VPS13B: variants seen among roughly 807,000 people sequenced by gnomAD.
VPS13B encodes the protein vacuolar protein sorting 13 homolog B.
A neutral mutation model predicts 426.4 loss-of-function variants in VPS13B; 285 were observed. That is an observed-to-expected ratio of 0.67 (90% CI 0.61 to 0.74). The LOEUF (loss-of-function observed/expected upper bound fraction) is 0.74, where lower values mean the gene tolerates loss of function less well. VPS13B is among the 30% of genes least tolerant of loss of function. The pLI, the probability that VPS13B is intolerant of heterozygous loss-of-function variation, is 0.00. For missense variants in VPS13B, 4,537 were observed against 4,782.6 expected (o/e 0.95, Z 1.51); for synonymous variants, 1,676 against 1,676.4 (o/e 1.00, Z 0.01).
intron 33 of VPS13B, among the ~76,000 whole-genome samples, chr8:99,620,327 A>C (rs1208752746): frequency 1.3e-5 from 2 of 152,238 alleles, no homozygotes; most frequent in Non-Finnish European, 2.9e-5. Flanking sequence ...TGTCCCAAGC[A>C]TTCCATTTCT....
intron 25 of VPS13B, 76 bp downstream of exon 25, chr8:99,481,878 G>T: frequency 6.6e-7 from 1 of 1,513,816 alleles, no homozygotes; most frequent in South Asian, 1.2e-5. Context: ...GGTTTAAAAT[G>T]AAGATAACCT....
intron 4 of VPS13B, among the ~76,000 whole-genome samples, chr8:99,102,542 C>CTG (rs1846810125): frequency 1.3e-5 from 2 of 152,104 alleles, no homozygotes; most frequent in African/African-American, 2.4e-5. Flanking sequence ...TTAAAGAAGA[C>CTG]CATCTTCTAA....
intron 17 of VPS13B, chr8:99,234,420 A>C (rs752193537): frequency 1.5e-6 from 1 of 672,726 alleles, no homozygotes; most frequent in Non-Finnish European, 2.8e-6. Flanking sequence ...GAGACCGAGT[A>C]ATCAACTTCC....
At position 99,556,649 on chromosome 8, in the gene VPS13B, A is replaced by G. The variant is rs1221209985; in HGVS notation, c.4945A>G (p.Ser1649Gly). 5.6e-6 allele frequency: 9 copies of G among 1,612,704 alleles called. No individual in the cohort carries two copies. Among genetic ancestry groups the G allele is most frequent in the Non-Finnish European group, 5.9e-6 (7 of 1,179,308 alleles). ...TCCAGCCCTTGAGTGGAATATGGCC[A>G]GCAGGTAGGAAATGATTGAGAAACT... ...QNPALEWNMA[S>G]SIRRHQERRA... Residue 1649 changes from serine to glycine, a missense_variant, in exon 31 of 62, where the codon AGC becomes GGC. Ser to Gly is a moderately conservative substitution (Grantham distance 56). Transcript: ENST00000357162.
At chr8:99,367,486 G>C (rs771298740) in intron 19 of VPS13B, among the ~76,000 whole-genome samples, 1 of 152,136 alleles carries the variant, frequency 6.6e-6, no homozygotes, top group African/African-American at 2.4e-5. Context: ...CTTTCGGTCA[G>C]ATCTGGTTGG....
At chr8:99,786,855 G>A (rs1426126882) in intron 43 of VPS13B, among the ~76,000 whole-genome samples, 9 of 152,060 alleles carry the variant, frequency 5.9e-5, no homozygotes, top group Non-Finnish European at 1.2e-4. Flanking sequence ...GGGCCCAGAG[G>A]GTCTTCATGG....
Position 99,314,224 on chromosome 8 carries a change from T to C in VPS13B, c.2824+38970T>C, listed in dbSNP as rs190251432. 2.2e-3 allele frequency among the ~76,000 whole-genome samples: 336 copies of C among 152,178 alleles called. 1 individual carries two copies. Among genetic ancestry groups the C allele is most frequent in the African/African-American group, 7.5e-3 (313 of 41,530 alleles). ...CAGTGAGATGAACCCGGTACCTCAG[T>C]TGGAAATGCAGAAATCACCCGTCTT... On this transcript the variant is annotated intron_variant, in intron 19 of 61. Transcript: ENST00000357162.
chr8:99,254,634 T>C (rs1383091563), intron 17 of VPS13B, among the ~76,000 whole-genome samples: 2 of 151,368 alleles, frequency 1.3e-5, no homozygotes, highest in Non-Finnish European at 2.9e-5. Context: ...TATTTTATTT[T>C]ATTATATTTT....
chr8:99,483,147 T>G (rs1031568468), intron 25 of VPS13B, among the ~76,000 whole-genome samples: 7 of 152,178 alleles, frequency 4.6e-5, no homozygotes, highest in African/African-American at 1.4e-4. Flanking sequence ...AGGGCAAATT[T>G]CAGCTGCTAT....
chr8:99,584,058 AC>A, intron 33 of VPS13B, among the ~76,000 whole-genome samples: 1 of 152,200 alleles, frequency 6.6e-6, no homozygotes, highest in East Asian at 1.9e-4. Flanking sequence ...CAGGCAATAA[AC>A]ACAGACTCCA....
intron 17 of VPS13B, among the ~76,000 whole-genome samples, chr8:99,211,620 TAC>T (rs1312132926): frequency 5.9e-5 from 9 of 152,114 alleles, no homozygotes; most frequent in African/African-American, 2.2e-4. Context: ...CTACTAAAAA[TAC>T]AAAAATTAGC....
intron 51 of VPS13B, among the ~76,000 whole-genome samples, chr8:99,829,344 T>C (rs373312029): frequency 2.6e-4 from 39 of 152,364 alleles, no homozygotes; most frequent in African/African-American, 8.9e-4. Flanking sequence ...TTCATTAAGT[T>C]GGTCTTCGGT....
chr8:99,556,435 T>C lies in VPS13B; in HGVS notation c.4746-15T>C, dbSNP rs117058417. ...TTTCTTGTTTTTATTTTTGTTTTTTTCGCTGCCTTTACAGGAGAGCCTTGA... is the reference window on the plus strand; with the variant it reads ...TTTCTTGTTTTTATTTTTGTTTTTTCCGCTGCCTTTACAGGAGAGCCTTGA... On this transcript the variant is annotated splice_polypyrimidine_tract_variant and intron_variant, in intron 30 of 61. Transcript: ENST00000357162. The C allele has an allele frequency of 3.8e-3, 6,059 of 1,611,256 alleles. 11 individuals carry two copies. The highest frequency in any genetic ancestry group is 4.8e-3 in the Non-Finnish European group (5,640 of 1,179,080).
rs201027029 is a variant in VPS13B at position 99,502,955 on chromosome 8, A to G, written c.4157+5A>G. 2.4e-5 allele frequency: 37 copies of G among 1,537,190 alleles called. No individual in the cohort carries two copies. Among genetic ancestry groups the G allele is most frequent in the Non-Finnish European group, 3.3e-5 (37 of 1,111,712 alleles). ...TATTGATCACTATAGAAGCAGGTAAATAATGAATAATGAATATAAGAAAAT... is the reference window on the plus strand; with the variant it reads ...TATTGATCACTATAGAAGCAGGTAAGTAATGAATAATGAATATAAGAAAAT... On this transcript the variant is annotated splice_donor_5th_base_variant and intron_variant, in intron 27 of 61. Coordinates refer to ENST00000357162, the MANE Select transcript of VPS13B (RefSeq NM_152564.5).
chr8:99,357,799 G>GT (rs1812257957), intron 19 of VPS13B, among the ~76,000 whole-genome samples: 1 of 152,124 alleles, frequency 6.6e-6, no homozygotes, highest in Admixed American at 6.6e-5. Flanking sequence ...GACAGTAAAT[G>GT]TAAAATGCTT....
In VPS13B at chr8:99,568,286, TATTA is replaced by T. The variant is rs1427213867; in HGVS notation, c.4950-7371_4950-7368del. Among the ~76,000 whole-genome samples, 66 of 148,628 alleles carry T rather than the reference TATTA, an allele frequency of 4.4e-4. 2 individuals are homozygous for T. The highest frequency in any genetic ancestry group is 3.5e-3 in the Middle Eastern group (1 of 286). On this transcript the variant is annotated intron_variant, in intron 31 of 61. Coordinates refer to ENST00000357162, the MANE Select transcript of VPS13B (RefSeq NM_152564.5). ...GATATATACCGATAACTATTATTAT[TATTA>T]TTATTATTATTTTTTTTTGAGACGG... is the stretch of plus-strand genomic sequence containing the variant.
chr8:99,161,880 G>A lies in VPS13B; in HGVS notation c.2208+5137G>A, dbSNP rs994450758. Among the ~76,000 whole-genome samples the A allele has an allele frequency of 7.2e-5, 11 of 151,800 alleles. No homozygotes were observed. The South Asian group carries it at 1.9e-3, about 26-fold the overall frequency. ...CCCGAGTAGCTAGGATTACAGGTGT[G>A]CACCACCACACCCAGCTAATTTTTG... is the stretch of plus-strand genomic sequence containing the variant. On this transcript the variant is annotated intron_variant, in intron 15 of 61. Transcript: ENST00000357162.
chr8:99,280,651 TC>T (rs1375323051), intron 19 of VPS13B, among the ~76,000 whole-genome samples: 1 of 152,192 alleles, frequency 6.6e-6, no homozygotes, highest in Non-Finnish European at 1.5e-5. Flanking sequence ...TTCCTCCTCT[TC>T]CTTTTCCTTC....
intron 17 of VPS13B, among the ~76,000 whole-genome samples, chr8:99,244,754 C>G (rs1443877228): frequency 3.9e-5 from 6 of 152,134 alleles, no homozygotes; most frequent in Non-Finnish European, 7.4e-5. Flanking sequence ...TCTGAATCAG[C>G]AAAGTTATTT....
Sources: allele counts gnomAD v4.1 joint callset (sites outside exome capture counted in the v4.1 genomes callset), GRCh38; gene constraint gnomAD v4.1.1; transcripts MANE v1.5; gene names NCBI Gene and HGNC (gene_info 2026-07-23, HGNC 2026-07-21).